The following SEZ6L variants were observed in gnomAD, a reference collection of about 807,000 sequenced individuals.
SEZ6L encodes the protein seizure related 6 homolog like, also known as seizure 6-like protein.
In SEZ6L, 37 loss-of-function variants were observed where a neutral mutation model predicts 106.2. The ratio of observed to expected loss-of-function variants is 0.35; its 90% CI spans 0.27 to 0.46. SEZ6L has a LOEUF of 0.46. Ranked by LOEUF, SEZ6L falls within the 20% of genes least tolerant of loss-of-function variation. The pLI is 1.00. For missense variants in SEZ6L, 1,172 were observed against 1,332.8 expected (o/e 0.88, Z 1.88); for synonymous variants, 541 against 570.4 (o/e 0.95, Z 0.73).
At chr22:26,321,316 G>A (rs1291365353) in intron 9 of SEZ6L, among the ~76,000 whole-genome samples, 2 of 152,198 alleles carry the variant, frequency 1.3e-5, no homozygotes, top group African/African-American at 4.8e-5. Flanking sequence ...ATGTCTCCAG[G>A]ACCCTGTGTG....
intron 1 of SEZ6L, among the ~76,000 whole-genome samples, chr22:26,220,861 T>C (rs2078444545): frequency 6.6e-6 from 1 of 151,794 alleles, no homozygotes; most frequent in African/African-American, 2.4e-5. Context: ...GAAGGGGGAA[T>C]GTGCTTACAT....
chr22:26,310,737 G>T lies in SEZ6L; in HGVS notation c.1582G>T (p.Val528Phe). 1 of 1,614,150 alleles carries T rather than the reference G, an allele frequency of 6.2e-7. No homozygotes were observed. The highest frequency in any genetic ancestry group is 8.5e-7 in the Non-Finnish European group (1 of 1,180,030). ...LLYDSLQTESVPFEGLLSEGN... is the reference protein window; with the variant it reads ...LLYDSLQTESFPFEGLLSEGN... ...CTACGACTCCCTTCAAACCGAGAGTGTCCCTTTTGAGGGCCTGCTGAGCGA... is the reference window on the plus strand; with the variant it reads ...CTACGACTCCCTTCAAACCGAGAGTTTCCCTTTTGAGGGCCTGCTGAGCGA... The change falls in exon 7 of 17, where the codon GTC (valine) becomes TTC (phenylalanine). Residue 528 changes from valine to phenylalanine, a missense_variant. By Grantham distance (50) the Val-to-Phe change is conservative. Coordinates refer to ENST00000248933, the MANE Select transcript of SEZ6L (RefSeq NM_021115.5).
intron 12 of SEZ6L, among the ~76,000 whole-genome samples, chr22:26,363,812 C>T (rs1035265504): frequency 2.0e-5 from 3 of 152,300 alleles, no homozygotes; most frequent in East Asian, 1.9e-4. Flanking sequence ...CACCTGCCTA[C>T]GATGGAATAT....
intron 1 of SEZ6L, among the ~76,000 whole-genome samples, chr22:26,265,940 C>T (rs935175069): frequency 1.3e-5 from 2 of 152,162 alleles, no homozygotes; most frequent in Non-Finnish European, 2.9e-5. Context: ...GAGGAGCTCC[C>T]AGTCTGATGG....
At chr22:26,319,321 C>T (rs1260531517) in intron 9 of SEZ6L, among the ~76,000 whole-genome samples, 1 of 152,216 alleles carries the variant, frequency 6.6e-6, no homozygotes, top group Admixed American at 6.5e-5. Flanking sequence ...TCTGCCCCCT[C>T]TTTTTAACCA....
intron 13 of SEZ6L, among the ~76,000 whole-genome samples, chr22:26,368,755 AAC>A (rs750216303): frequency 6.6e-6 from 1 of 151,874 alleles, no homozygotes; most frequent in African/African-American, 2.4e-5. Context: ...TAAAAAAAAA[AAC>A]AATTCCCCTG....
intron 1 of SEZ6L, among the ~76,000 whole-genome samples, chr22:26,251,762 G>C (rs4822698): frequency 0.25 from 37,508 of 152,168 alleles, 5,277 homozygotes; most frequent in East Asian, 0.32. Context: ...CCCCAGGCCA[G>C]GGAGACTCAC....
intron 1 of SEZ6L, among the ~76,000 whole-genome samples, chr22:26,181,396 T>C (rs1341932653): frequency 6.6e-6 from 1 of 152,162 alleles, no homozygotes; most frequent in African/African-American, 2.4e-5. Context: ...GCCAACCACC[T>C]TGGAAATTAA....
intron 6 of SEZ6L, among the ~76,000 whole-genome samples, chr22:26,306,626 TG>T (rs1440676958): frequency 1.3e-5 from 2 of 152,224 alleles, no homozygotes; most frequent in African/African-American, 4.8e-5. Context: ...AGCAAGAGTG[TG>T]TCTGTAGACT....
At chr22:26,339,029 G>A (rs1042765249) in intron 9 of SEZ6L, among the ~76,000 whole-genome samples, 1 of 151,676 alleles carries the variant, frequency 6.6e-6, no homozygotes, top group African/African-American at 2.4e-5. Flanking sequence ...TATCTGCCTC[G>A]AGGTCTCCTA....
At chr22:26,223,771 A>G (rs1361687569) in intron 1 of SEZ6L, among the ~76,000 whole-genome samples, 1 of 152,214 alleles carries the variant, frequency 6.6e-6, no homozygotes, top group East Asian at 1.9e-4. Context: ...GAATATCAAC[A>G]GTAATAATTA....
At chr22:26,278,296 A>T (rs1010669587) in intron 1 of SEZ6L, among the ~76,000 whole-genome samples, 5 of 152,216 alleles carry the variant, frequency 3.3e-5, no homozygotes, top group Non-Finnish European at 7.3e-5. Flanking sequence ...TTCTTTAAAA[A>T]TTTAATTTTA....
chr22:26,350,197 TATATATATATACAC>T (rs2083226743), intron 11 of SEZ6L, among the ~76,000 whole-genome samples: 1 of 130,672 alleles, frequency 7.7e-6, no homozygotes, highest in African/African-American at 3.3e-5. Flanking sequence ...TGTGTGTGTA[TATATATATATACAC>T]ATATATATAT....
At chr22:26,257,343 T>A (rs79341029) in intron 1 of SEZ6L, among the ~76,000 whole-genome samples, 7 of 151,840 alleles carry the variant, frequency 4.6e-5, no homozygotes, top group African/African-American at 9.7e-5. Flanking sequence ...GGGGAAAAAA[T>A]CCCCTACAAA....
intron 9 of SEZ6L, among the ~76,000 whole-genome samples, chr22:26,330,846 T>C (rs1569466110): frequency 1.3e-5 from 2 of 152,256 alleles, no homozygotes; most frequent in Non-Finnish European, 2.9e-5. Flanking sequence ...GCAAACCATA[T>C]ATTTATATAT....
At chr22:26,299,976 G>GC (rs1433073488) in intron 5 of SEZ6L, among the ~76,000 whole-genome samples, 2 of 152,082 alleles carry the variant, frequency 1.3e-5, no homozygotes, top group Admixed American at 1.3e-4. Flanking sequence ...CCACATCCTT[G>GC]CCCACATATG....
chr22:26,288,572 C>G (rs2081009300), intron 1 of SEZ6L, among the ~76,000 whole-genome samples: 1 of 152,130 alleles, frequency 6.6e-6, no homozygotes, highest in Admixed American at 6.5e-5. Flanking sequence ...GATTTGAAAC[C>G]CAGCTTTGCT....
chr22:26,204,229 A>G (rs1941161680), intron 1 of SEZ6L, among the ~76,000 whole-genome samples: 1 of 152,224 alleles, frequency 6.6e-6, no homozygotes, highest in Non-Finnish European at 1.5e-5. Context: ...CAATACAGAC[A>G]TGGTCCCTCT....
At chr22:26,231,327 T>A (rs2078791879) in intron 1 of SEZ6L, among the ~76,000 whole-genome samples, 1 of 152,194 alleles carries the variant, frequency 6.6e-6, no homozygotes, top group African/African-American at 2.4e-5. Context: ...AATGGTAAAC[T>A]GACATGGAAC....
Sources: allele counts gnomAD v4.1 joint callset (sites outside exome capture counted in the v4.1 genomes callset), GRCh38; gene constraint gnomAD v4.1.1; transcripts MANE v1.5; gene names NCBI Gene and HGNC (gene_info 2026-07-23, HGNC 2026-07-21).